RRAS2: variants seen among roughly 807,000 people sequenced by gnomAD.
RRAS2 encodes the protein ras-related protein R-Ras2.
Under a neutral mutation model 27.6 loss-of-function variants are expected in RRAS2, and 7 were observed. The ratio of observed to expected loss-of-function variants is 0.25; its 90% CI spans 0.14 to 0.48. The LOEUF is 0.48. RRAS2 is among the 20% of genes least tolerant of loss of function. The pLI is 0.99. For missense variants in RRAS2, 178 were observed against 256.2 expected (o/e 0.69, Z 2.08); for synonymous variants, 86 against 90.9 (o/e 0.95, Z 0.31).
At chr11:14,337,758 A>G (rs1162399327) in intron 1 of RRAS2, among the ~76,000 whole-genome samples, 1 of 152,114 alleles carries the variant, frequency 6.6e-6, no homozygotes, top group Non-Finnish European at 1.5e-5. Flanking sequence ...CCTTGCAGGT[A>G]AGGGGGGACT....
chr11:14,280,813 ACAGAG>A (rs1272345420), intron 5 of RRAS2, among the ~76,000 whole-genome samples: 3 of 150,160 alleles, frequency 2.0e-5, no homozygotes, highest in Non-Finnish European at 4.4e-5. Flanking sequence ...TCCCAGATCT[ACAGAG>A]CAGAGTATGA....
At chr11:14,331,273 G>A (rs560295629) in intron 1 of RRAS2, among the ~76,000 whole-genome samples, 4 of 151,952 alleles carry the variant, frequency 2.6e-5, no homozygotes, top group South Asian at 2.1e-4. Context: ...GTAAAATGAT[G>A]GTGTATAAAA....
intron 1 of RRAS2, among the ~76,000 whole-genome samples, chr11:14,343,676 A>G (rs937444006): frequency 6.6e-6 from 1 of 151,638 alleles, no homozygotes; most frequent in Non-Finnish European, 1.5e-5. Flanking sequence ...ACCAAAAAAA[A>G]TACAAAAATT....
At chr11:14,290,318 C>T (rs1394334918) in intron 4 of RRAS2, among the ~76,000 whole-genome samples, 1 of 152,018 alleles carries the variant, frequency 6.6e-6, no homozygotes, top group Admixed American at 6.6e-5. Flanking sequence ...GCATGGTGGC[C>T]CATGCCTGTA....
chr11:14,322,556 A>G (rs1295857834), intron 1 of RRAS2, among the ~76,000 whole-genome samples: 2 of 152,186 alleles, frequency 1.3e-5, no homozygotes, highest in Non-Finnish European at 2.9e-5. Flanking sequence ...CTTTCTTCCT[A>G]TATTTCCCAC....
At chr11:14,291,996 T>C (rs1847406122) in intron 4 of RRAS2, among the ~76,000 whole-genome samples, 1 of 152,248 alleles carries the variant, frequency 6.6e-6, no homozygotes, top group Non-Finnish European at 1.5e-5. Flanking sequence ...GATAATTTTA[T>C]ACAATATTTT....
At chr11:14,320,120 C>T (rs967516769) in intron 1 of RRAS2, among the ~76,000 whole-genome samples, 1 of 151,900 alleles carries the variant, frequency 6.6e-6, no homozygotes, top group African/African-American at 2.4e-5. Context: ...CCGCACCCCA[C>T]AAAAAAAGCC....
chr11:14,302,813 G>A (rs1554947585), intron 1 of RRAS2, among the ~76,000 whole-genome samples: 1 of 152,186 alleles, frequency 6.6e-6, no homozygotes, highest in Non-Finnish European at 1.5e-5. Context: ...GCCTAGGGAG[G>A]CAGCAGAATT....
intron 1 of RRAS2, among the ~76,000 whole-genome samples, chr11:14,317,334 C>T (rs1450699791): frequency 2.6e-5 from 4 of 152,330 alleles, no homozygotes; most frequent in Middle Eastern, 3.4e-3. Context: ...AATCCCAGCA[C>T]TTTGGGAGGC....
rs868941953 is a variant in RRAS2 at position 14,282,563 on chromosome 11, T to C, written c.409-843A>G. Among the ~76,000 whole-genome samples, 26 of 152,262 alleles carry C rather than the reference T, an allele frequency of 1.7e-4. 1 individual carries two copies. The highest frequency in any genetic ancestry group is 6.8e-3 in the Middle Eastern group (2 of 294). Reference sequence around the variant, plus strand: ...CTCTATTACATTTACATTTATATAGTGGGGCTTAAAATTATATTTCTGAAA... The same window carrying C: ...CTCTATTACATTTACATTTATATAGCGGGGCTTAAAATTATATTTCTGAAA... On this transcript the variant is annotated intron_variant, in intron 4 of 5. Coordinates refer to ENST00000256196, the MANE Select transcript of RRAS2 (RefSeq NM_012250.6).
intron 1 of RRAS2, among the ~76,000 whole-genome samples, chr11:14,339,912 G>A (rs954951646): frequency 4.6e-5 from 7 of 151,706 alleles, no homozygotes; most frequent in Admixed American, 2.0e-4. Context: ...TCAGGAGTTC[G>A]AGACCAGCCT....
chr11:14,321,820 A>T (rs1848228443), intron 1 of RRAS2, among the ~76,000 whole-genome samples: 1 of 152,012 alleles, frequency 6.6e-6, no homozygotes, highest in South Asian at 2.1e-4. Context: ...GTTTTTTTGA[A>T]CCCAATAATG....
chr11:14,292,209 G>C (rs1004445222), intron 4 of RRAS2, among the ~76,000 whole-genome samples: 1 of 152,022 alleles, frequency 6.6e-6, no homozygotes, highest in Non-Finnish European at 1.5e-5. Context: ...GCTGATAATG[G>C]CAGAGCCTCT....
intron 4 of RRAS2, among the ~76,000 whole-genome samples, chr11:14,289,228 A>G (rs1554945471): frequency 6.6e-6 from 1 of 152,200 alleles, no homozygotes; most frequent in East Asian, 1.9e-4. Flanking sequence ...TATTTTAAGT[A>G]TAATAAGTTA....
intron 1 of RRAS2, among the ~76,000 whole-genome samples, chr11:14,319,591 CT>C (rs1848183732): frequency 6.6e-6 from 1 of 151,864 alleles, no homozygotes; most frequent in Non-Finnish European, 1.5e-5. Flanking sequence ...ATCTCCTGAC[CT>C]CATGATCCAC....
chr11:14,295,775 C>G lies in RRAS2; in HGVS notation c.189G>C (p.Arg63=). 6.2e-7 allele frequency: 1 copy of G among 1,606,372 alleles called. No individual in the cohort carries two copies. The highest frequency in any genetic ancestry group is 8.5e-7 in the Non-Finnish European group (1 of 1,175,838). ...KQCVIDDRAA[R]LDILDTAGQE... ...CAAAGGAAGTTTACTTACTATCTAG[C>G]CGGGCTGCTCTGTCATCTATCACAC... Residue 63 remains arginine, a synonymous_variant, in exon 2 of 6, where the codon CGG becomes CGC. Transcript: ENST00000256196.
rs1849129028 is a variant in RRAS2 at position 14,358,434 on chromosome 11, C to T, written c.108+329G>A. On this transcript the variant is annotated intron_variant, in intron 1 of 5. Transcript: ENST00000256196. The surrounding 1 kb of genome is among the most constrained non-coding windows in gnomAD (Gnocchi z 5.1). ...CCCGGACCCTCGGAGCAGTAAAGCC[C>T]GGCTCGGTGGCCCAGCCTCTCCCGG... 1.0e-6 allele frequency: 1 copy of T among 985,444 alleles called. No individual in the cohort carries two copies. Among genetic ancestry groups the T allele is most frequent in the African/African-American group, 1.7e-5 (1 of 57,338 alleles). 61.0% of individuals were successfully genotyped at this position (985,444 alleles called of 1,614,324 possible).
At chr11:14,351,582 T>C (rs183135135) in intron 1 of RRAS2, among the ~76,000 whole-genome samples, 17 of 152,092 alleles carry the variant, frequency 1.1e-4, no homozygotes, top group Admixed American at 9.2e-4. Context: ...CAAAAATTAG[T>C]AGCCGGGCAT....
At position 14,284,179 on chromosome 11, in the gene RRAS2, G is replaced by A. The variant is rs900929523; in HGVS notation, c.409-2459C>T. Among the ~76,000 whole-genome samples, 8 of 152,210 alleles carry A rather than the reference G, an allele frequency of 5.3e-5. No individual in the cohort carries two copies. In the South Asian group the frequency reaches 6.2e-4, roughly 12 times the overall value. The stretch of plus-strand genomic sequence containing the variant: ...AATACAAATATTTAGTGCTACAAAT[G>A]TCTCTATATATACTTCTTTAGTAGC... On this transcript the variant is annotated intron_variant, in intron 4 of 5. Transcript: ENST00000256196.
Sources: gnomAD v4.1 joint callset for allele counts (sites outside exome capture counted in the v4.1 genomes callset) on GRCh38, gnomAD v4.1.1 for gene constraint, Gnocchi (gnomAD v3.1) non-coding constraint, MANE v1.5 for transcripts, NCBI Gene and HGNC (gene_info 2026-07-23, HGNC 2026-07-21) for gene names.